The following RGS5 variants were observed in gnomAD, a reference collection of about 807,000 sequenced individuals.
RGS5 encodes regulator of G protein signaling 5.
RGS5 carries 20 observed loss-of-function variants against 18.9 expected under a neutral mutation model. The observed-to-expected ratio is 1.06, with a 90% CI of 0.74 to 1.54. The LOEUF is 1.54. RGS5 is among the 40% of genes most tolerant of loss of function. The probability of loss-of-function intolerance (pLI) is 0.00; values close to 1 mark genes in which losing one functional copy is unlikely to be tolerated. For missense variants in RGS5, 201 were observed against 211.8 expected, an observed-to-expected ratio of 0.95 and a Z score of 0.32; for synonymous variants, 57 against 76.2, an observed-to-expected ratio of 0.75 and a Z score of 1.31.
At chr1:163,160,357 C>T (rs989108018) in intron 3 of RGS5, among the ~76,000 whole-genome samples, 2 of 152,134 alleles carry the variant, frequency 1.3e-5, no homozygotes, top group Non-Finnish European at 2.9e-5. Context: ...ACCACTAAGG[C>T]AAGACAATAA....
chr1:163,173,919 CA>C (rs1028090709), intron 1 of RGS5, among the ~76,000 whole-genome samples: 7 of 151,614 alleles, frequency 4.6e-5, no homozygotes, highest in African/African-American at 7.3e-5. Context: ...ACTGAAAATA[CA>C]AAAAAAATTA....
chr1:163,277,405 T>C (rs1357690235), intron 2 of RGS5, among the ~76,000 whole-genome samples: 3 of 152,202 alleles, frequency 2.0e-5, no homozygotes, highest in Middle Eastern at 6.3e-3. Flanking sequence ...AAATAAACTT[T>C]CTAAATTGAT....
intron 1 of RGS5, among the ~76,000 whole-genome samples, chr1:163,195,601 T>A (rs968543676): frequency 3.3e-5 from 5 of 151,744 alleles, no homozygotes; most frequent in Admixed American, 6.6e-5. Context: ...TAATTTAAAA[T>A]ATATATATAT....
rs980386073 is a variant in RGS5 at position 163,144,242 on chromosome 1, T to C, written c.*3100A>G. On this transcript the variant is annotated 3_prime_UTR_variant, in exon 5 of 5. Coordinates refer to ENST00000313961, the MANE Select transcript of RGS5 (RefSeq NM_003617.4). ...GTGTGTGTATGTGTGGCGGGGAAGA[T>C]GGAAGATTATTCACATGCTTGAAGG... The C allele has an allele frequency of 6.6e-6, 1 of 152,098 alleles. No homozygotes were observed. Among genetic ancestry groups the C allele is most frequent in the African/African-American group, 2.4e-5 (1 of 41,442 alleles). The allele number at this position is 152,098 out of a possible 1,614,324, so 9.4% of individuals were successfully genotyped here. A position where few individuals can be genotyped will look rare whatever the true frequency, so the allele number is the denominator to read the frequency against.
At chr1:163,155,432 A>G (rs1657542339) in intron 3 of RGS5, among the ~76,000 whole-genome samples, 1 of 152,180 alleles carries the variant, frequency 6.6e-6, no homozygotes, top group Admixed American at 6.5e-5. Context: ...TTGTTCATGT[A>G]TAACTCATAA....
intron 2 of RGS5, 121 bp from the exon 3 acceptor site, chr1:163,162,097 C>G: frequency 1.4e-6 from 1 of 714,896 alleles, no homozygotes; most frequent in Non-Finnish European, 2.5e-6. Flanking sequence ...GGTCTATCCT[C>G]AGGACAAGGA....
chr1:163,243,816 A>T (rs1647863025), intron 2 of RGS5, among the ~76,000 whole-genome samples: 1 of 150,400 alleles, frequency 6.6e-6, no homozygotes, highest in Admixed American at 6.6e-5. Context: ...TTCACACAAC[A>T]CACACACACA....
chr1:163,191,775 C>A (rs1470364097), intron 1 of RGS5, among the ~76,000 whole-genome samples: 1 of 152,146 alleles, frequency 6.6e-6, no homozygotes, highest in Non-Finnish European at 1.5e-5. Context: ...TGAGGCAACT[C>A]TTGGTGGCCT....
chr1:163,304,185 T>C (rs1649636232), intron 2 of RGS5: 1 of 152,200 alleles, frequency 6.6e-6, no homozygotes, highest in South Asian at 2.1e-4. Context: ...GATATATTCA[T>C]AGAACCAGGG....
At chr1:163,162,142 G>T (rs1557883995) in intron 2 of RGS5, among the ~76,000 whole-genome samples, 166 bp from the exon 3 acceptor site, 1 of 152,172 alleles carries the variant, frequency 6.6e-6, no homozygotes, top group Non-Finnish European at 1.5e-5. Context: ...AATTGGGTTT[G>T]ATGAGCTGGG....
chr1:163,187,992 T>C (rs2101642615), intron 1 of RGS5, among the ~76,000 whole-genome samples: 1 of 152,180 alleles, frequency 6.6e-6, no homozygotes, highest in Middle Eastern at 3.4e-3. Context: ...TGGTGTCCAC[T>C]GCTTGGTGTG....
chr1:163,267,345 G>A (rs770740253), intron 2 of RGS5: 2 of 152,160 alleles, frequency 1.3e-5, no homozygotes, highest in Non-Finnish European at 2.9e-5. Context: ...CTCCAGAAAT[G>A]TAAGAAGTAA....
intron 1 of RGS5, among the ~76,000 whole-genome samples, chr1:163,208,406 C>G (rs1204477968): frequency 7.3e-6 from 1 of 137,008 alleles, no homozygotes; most frequent in Non-Finnish European, 1.5e-5. Flanking sequence ...GTTAGCCAGG[C>G]ATGCAGTAGG....
chr1:163,222,553 G>A (rs1647250110), upstream of RGS5, among the ~76,000 whole-genome samples: 1 of 152,118 alleles, frequency 6.6e-6, no homozygotes, highest in Non-Finnish European at 1.5e-5. Flanking sequence ...ATTCCTAAAA[G>A]GATCTGGGTT....
At chr1:163,169,241 T>C (rs1162879319) in intron 1 of RGS5, among the ~76,000 whole-genome samples, 1 of 152,114 alleles carries the variant, frequency 6.6e-6, no homozygotes, top group Admixed American at 6.6e-5. Flanking sequence ...ATGTGCCACA[T>C]TTTCTTAATC....
intron 2 of RGS5, among the ~76,000 whole-genome samples, chr1:163,282,863 G>A (rs2101719943): frequency 6.6e-6 from 1 of 152,172 alleles, no homozygotes. Context: ...ATTCACAATA[G>A]ACAAGATATG....
At chr1:163,153,577 T>A (rs1251080534) in intron 3 of RGS5, among the ~76,000 whole-genome samples, 1 of 151,954 alleles carries the variant, frequency 6.6e-6, no homozygotes, top group Admixed American at 6.6e-5. Flanking sequence ...CTGTTTCCAG[T>A]GTACAATTGC....
chr1:163,281,038 C>A (rs1648978626), intron 2 of RGS5, among the ~76,000 whole-genome samples: 1 of 152,040 alleles, frequency 6.6e-6, no homozygotes, highest in Non-Finnish European at 1.5e-5. Context: ...GTGGGTCTTT[C>A]CTGTGCTGTC....
At chr1:163,257,841 A>G (rs1166179784) in intron 2 of RGS5, among the ~76,000 whole-genome samples, 2 of 152,176 alleles carry the variant, frequency 1.3e-5, no homozygotes, top group Admixed American at 6.5e-5. Flanking sequence ...GTGCTAGATA[A>G]TACTTGTATA....
Sources: allele counts gnomAD v4.1 joint callset (sites outside exome capture counted in the v4.1 genomes callset), GRCh38; gene constraint gnomAD v4.1.1; transcripts MANE v1.5; gene names NCBI Gene and HGNC (gene_info 2026-07-23, HGNC 2026-07-21).